MCTP1: variants seen among roughly 807,000 people sequenced by gnomAD.
The protein encoded by MCTP1 is multiple C2 and transmembrane domain containing 1.
A neutral mutation model predicts 120.6 loss-of-function variants in MCTP1; 69 were observed. That is an observed-to-expected ratio of 0.57 (90% CI 0.47 to 0.70). The LOEUF (loss-of-function observed/expected upper bound fraction) is 0.70, where lower values mean the gene tolerates loss of function less well. Among genes scored for constraint, MCTP1 ranks in the 30% least tolerant of loss-of-function variants. MCTP1 has a pLI of 0.00. For missense variants in MCTP1, 1,203 were observed against 1,248.8 expected, an observed-to-expected ratio of 0.96 and a Z score of 0.55; for synonymous variants, 529 against 493.1, an observed-to-expected ratio of 1.07 and a Z score of -0.96.
chr5:95,269,596 G>T (rs909185333), intron 1 of MCTP1, among the ~76,000 whole-genome samples: 1 of 152,208 alleles, frequency 6.6e-6, no homozygotes, highest in Non-Finnish European at 1.5e-5. Context: ...TATCAGCAAG[G>T]CTGGTGATAA....
intron 20 of MCTP1, 64 bp from the exon 21 acceptor site, chr5:94,710,991 CAT>C: frequency 9.1e-7 from 1 of 1,100,062 alleles, no homozygotes; most frequent in African/African-American, 1.6e-5. Context: ...TATTAAAATA[CAT>C]ATGATTCTAA....
chr5:94,957,924 T>C (rs1028671703), intron 2 of MCTP1, among the ~76,000 whole-genome samples: 2 of 152,204 alleles, frequency 1.3e-5, no homozygotes, highest in Non-Finnish European at 2.9e-5. Context: ...GTGGACCTAA[T>C]AGACATCTAC....
intron 19 of MCTP1, among the ~76,000 whole-genome samples, chr5:94,723,892 GA>G: frequency 6.6e-6 from 1 of 151,858 alleles, no homozygotes; most frequent in South Asian, 2.1e-4. Context: ...AAAAAGTGAG[GA>G]AAGAGAAAGA....
At chr5:95,069,190 A>C (rs1377088221) in intron 1 of MCTP1, among the ~76,000 whole-genome samples, 1 of 152,164 alleles carries the variant, frequency 6.6e-6, no homozygotes, top group African/African-American at 2.4e-5. Flanking sequence ...GGTGAGTTAC[A>C]ATGCAGCTGC....
At chr5:95,110,283 G>A (rs776727012) in intron 1 of MCTP1, among the ~76,000 whole-genome samples, 1 of 151,956 alleles carries the variant, frequency 6.6e-6, no homozygotes, top group African/African-American at 2.4e-5. Context: ...CCCAGCCAGC[G>A]ACACTTCCTC....
chr5:94,752,117 A>ATATATATATATATATAT (rs1768561494), intron 19 of MCTP1, among the ~76,000 whole-genome samples: 4 of 39,670 alleles, frequency 1.0e-4, no homozygotes, highest in African/African-American at 7.0e-4. Flanking sequence ...AAATATATAT[A>ATATATATATATATATAT]TATATATATA....
At chr5:94,929,590 T>C (rs1814030229) in intron 6 of MCTP1, 5 of 816,596 alleles carry the variant, frequency 6.1e-6, no homozygotes, top group South Asian at 5.6e-5. Context: ...AACAGTAACA[T>C]AGTAAAATCT....
chr5:94,908,051 CT>C (rs1270899546), intron 10 of MCTP1, among the ~76,000 whole-genome samples: 2 of 152,008 alleles, frequency 1.3e-5, no homozygotes, highest in East Asian at 3.8e-4. Flanking sequence ...CTCGAAAGAG[CT>C]CATAGCCTAT....
chr5:95,120,030 A>G (rs1457164895), intron 1 of MCTP1, among the ~76,000 whole-genome samples: 1 of 151,970 alleles, frequency 6.6e-6, no homozygotes, highest in African/African-American at 2.4e-5. Flanking sequence ...CAAAAAAATT[A>G]GCCGGGCATG....
chr5:94,724,656 T>C (rs1761723266), intron 19 of MCTP1, among the ~76,000 whole-genome samples: 1 of 152,194 alleles, frequency 6.6e-6, no homozygotes, highest in Admixed American at 6.5e-5. Flanking sequence ...CATTCACAGA[T>C]TTTGGATATG....
chr5:94,714,623 C>G (rs1261353217), intron 20 of MCTP1, among the ~76,000 whole-genome samples, 154 bp downstream of exon 20: 2 of 152,128 alleles, frequency 1.3e-5, no homozygotes, highest in Non-Finnish European at 2.9e-5. Flanking sequence ...AAGCCAAAGA[C>G]TGGCAGAAAT....
intron 1 of MCTP1, among the ~76,000 whole-genome samples, chr5:95,232,457 ATTTTT>A (rs535038549): frequency 7.3e-6 from 1 of 137,864 alleles, no homozygotes; most frequent in African/African-American, 2.7e-5. Context: ...ATGAAATTTA[ATTTTT>A]TTTTTTTTTT....
chr5:94,800,428 C>A lies in MCTP1; in HGVS notation c.2437-1296G>T, dbSNP rs76970811. ...TTAGGGGCAGTGCCCTAAGGACACC[C>A]GTCTCAGGCACAGCAGCATGGGACA... On this transcript the variant is annotated intron_variant, in intron 17 of 22. Coordinates refer to ENST00000515393, the MANE Select transcript of MCTP1 (RefSeq NM_024717.7). Among the ~76,000 whole-genome samples, 1,271 of 152,202 alleles carry A rather than the reference C, an allele frequency of 8.4e-3. 23 individuals are homozygous for A. Among genetic ancestry groups the A allele is most frequent in the African/African-American group, 0.029 (1,224 of 41,528 alleles).
At chr5:94,741,380 C>T (rs1203326465) in intron 19 of MCTP1, among the ~76,000 whole-genome samples, 1 of 152,194 alleles carries the variant, frequency 6.6e-6, no homozygotes, top group Non-Finnish European at 1.5e-5. Context: ...TTAGACTAAA[C>T]AATGAGAGAA....
intron 2 of MCTP1, among the ~76,000 whole-genome samples, chr5:94,957,664 A>G (rs1477751383): frequency 6.6e-6 from 1 of 152,132 alleles, no homozygotes; most frequent in Non-Finnish European, 1.5e-5. Flanking sequence ...TTAAAAAAAA[A>G]GAGAAAGAAG....
At chr5:95,262,928 A>G (rs1311773179) in intron 1 of MCTP1, among the ~76,000 whole-genome samples, 1 of 152,184 alleles carries the variant, frequency 6.6e-6, no homozygotes, top group East Asian at 1.9e-4. Flanking sequence ...TTGATTTCGC[A>G]TTATGGGGCA....
intron 19 of MCTP1, among the ~76,000 whole-genome samples, chr5:94,753,986 G>A (rs1182036492): frequency 2.6e-5 from 4 of 152,174 alleles, no homozygotes; most frequent in African/African-American, 9.7e-5. Context: ...AAGGGAAAGA[G>A]AAGGAAAGGA....
chr5:95,025,302 G>T (rs72777386), intron 1 of MCTP1, among the ~76,000 whole-genome samples: 7,628 of 152,178 alleles, frequency 0.05, 225 homozygotes, highest in Middle Eastern at 0.088. Context: ...GAGGTGTCAA[G>T]AATACACAAT....
chr5:94,819,123 ATTCATTCATTCT>A (rs1263654572), intron 17 of MCTP1, among the ~76,000 whole-genome samples: 64 of 151,172 alleles, frequency 4.2e-4, no homozygotes, highest in Admixed American at 9.2e-4. Flanking sequence ...TTATTTATTC[ATTCATTCATTCT>A]TTCATTCATT....
Sources: gnomAD v4.1 joint callset for allele counts (sites outside exome capture counted in the v4.1 genomes callset) on GRCh38, gnomAD v4.1.1 for gene constraint, MANE v1.5 for transcripts, NCBI Gene and HGNC (gene_info 2026-07-23, HGNC 2026-07-21) for gene names.